Variants in SRGAP1 observed in about 807,000 individuals in gnomAD.
SRGAP1 encodes SLIT-ROBO Rho GTPase-activating protein 1.
A neutral mutation model predicts 121.9 loss-of-function variants in SRGAP1; 43 were observed. That is an observed-to-expected ratio of 0.35 (90% CI 0.28 to 0.46). The LOEUF (loss-of-function observed/expected upper bound fraction) is 0.46, where lower values mean the gene tolerates loss of function less well. SRGAP1 is among the 20% of genes least tolerant of loss of function. SRGAP1 has a pLI of 1.00. For missense variants in SRGAP1, 1,102 were observed against 1,350.9 expected (o/e 0.82, Z 2.89); for synonymous variants, 447 against 485.4 (o/e 0.92, Z 1.04).
intron 1 of SRGAP1, among the ~76,000 whole-genome samples, chr12:63,849,686 A>T (rs113773009): frequency 6.6e-6 from 1 of 152,214 alleles, no homozygotes; most frequent in East Asian, 1.9e-4. Flanking sequence ...TTTCTTCAAC[A>T]TAGAATAGGA....
At chr12:63,850,400 C>G (rs1899037014) in intron 1 of SRGAP1, among the ~76,000 whole-genome samples, 1 of 150,242 alleles carries the variant, frequency 6.7e-6, no homozygotes, top group Non-Finnish European at 1.5e-5. Flanking sequence ...CAAGTCTGTT[C>G]TAGGTTTTAG....
chr12:64,127,920 GC>G lies in SRGAP1; in HGVS notation c.2602del (p.His868IlefsTer17). 3.1e-6 allele frequency: 5 copies of G among 1,614,168 alleles called. No homozygotes were observed. Among genetic ancestry groups the G allele is most frequent in the Non-Finnish European group, 2.5e-6 (3 of 1,180,008 alleles). ...PVRRPGRTSD[G>X]HCPLHPPHAL... The stretch of plus-strand genomic sequence containing the variant: ...AGGCGTCCTGGCAGGACCAGTGATG[GC>G]CATTGCCCGCTCCACCCTCCACATG... On this transcript the variant is annotated frameshift_variant, in exon 21 of 22. Transcript: ENST00000355086. LOFTEE classifies it high-confidence loss of function.
In SRGAP1 at chr12:64,063,105, G is replaced by A. The variant is rs1318171394; in HGVS notation, c.990G>A (p.Met330Ile). 1 of 1,613,622 alleles carries A rather than the reference G, an allele frequency of 6.2e-7. No individual in the cohort carries two copies. Among genetic ancestry groups the A allele is most frequent in the African/African-American group, 1.3e-5 (1 of 74,888 alleles). ...ACCCTGCTGCGTTCTGTCCACCAAT[G>A]AAGTTTGAGTTTCAGTCTCACATGG... ...EMYPAAFCPP[M>I]KFEFQSHMGD... The change falls in exon 7 of 22, where the codon ATG (methionine) becomes ATA (isoleucine). Residue 330 changes from methionine to isoleucine, a missense_variant. Around this residue, in one of 3 missense-constraint regions of SRGAP1, gnomAD observed 747 missense variants for 929.4 expected, o/e 0.80. Coordinates refer to ENST00000355086, the MANE Select transcript of SRGAP1 (RefSeq NM_020762.4).
chr12:64,115,835 C>A lies in SRGAP1; in HGVS notation c.2166C>A (p.His722Gln). Reference protein sequence around the residue: ...DDYCDSPYSEHGTLEEVDQDA... With the variant: ...DDYCDSPYSEQGTLEEVDQDA... Reference sequence around the variant, plus strand: ...ACAGCGACAGCCCATACAGTGAGCACGGTACATTGGAGGAAGTGGACCAAG... The same window carrying A: ...ACAGCGACAGCCCATACAGTGAGCAAGGTACATTGGAGGAAGTGGACCAAG... The change falls in exon 18 of 22, where the codon CAC (histidine) becomes CAA (glutamine). Residue 722 changes from histidine (H) to glutamine (Q), a missense_variant. Physicochemically the swap from His to Gln is conservative, Grantham distance 24 (BLOSUM62 0). Transcript: ENST00000355086. 6.2e-7 allele frequency: 1 copy of A among 1,613,576 alleles called. No individual in the cohort carries two copies. The highest frequency in any genetic ancestry group is 1.3e-5 in the African/African-American group (1 of 75,034).
chr12:63,979,150 C>T (rs764657196), intron 1 of SRGAP1, among the ~76,000 whole-genome samples: 1 of 150,394 alleles, frequency 6.6e-6, no homozygotes, highest in Non-Finnish European at 1.5e-5. Context: ...AGCAATTCTC[C>T]TCCCTCAGCC....
Position 63,904,417 on chromosome 12 carries a change from GA to G in SRGAP1, c.67+59536del, listed in dbSNP as rs370568067. ...GATTGGAATGCGAACATGATGGCAG[GA>G]ACTGAAGCAGTGTCTTAGAGACTAT... On this transcript the variant is annotated intron_variant, in intron 1 of 21. Coordinates refer to ENST00000355086, the MANE Select transcript of SRGAP1 (RefSeq NM_020762.4). Among the ~76,000 whole-genome samples, 295 of 152,258 alleles carry G rather than the reference GA, an allele frequency of 1.9e-3. 1 individual carries two copies. Among genetic ancestry groups the G allele is most frequent in the African/African-American group, 6.7e-3 (279 of 41,548 alleles).
At chr12:63,917,831 G>A (rs2030858395) in intron 1 of SRGAP1, among the ~76,000 whole-genome samples, 1 of 149,390 alleles carries the variant, frequency 6.7e-6, no homozygotes, top group Non-Finnish European at 1.5e-5. Flanking sequence ...AATTTCCCAC[G>A]CTAGCTGTGA....
At chr12:64,125,868 A>G in intron 18 of SRGAP1, 109 bp from the exon 19 acceptor site, 2 of 1,067,986 alleles carry the variant, frequency 1.9e-6, no homozygotes, top group Non-Finnish European at 2.7e-6. Context: ...TTCAGTCTAG[A>G]TATTAAAATG....
intron 1 of SRGAP1, among the ~76,000 whole-genome samples, chr12:63,865,912 C>G (rs923880384): frequency 6.8e-6 from 1 of 146,080 alleles, no homozygotes; most frequent in Admixed American, 6.8e-5. Context: ...TTGGGAAGTG[C>G]TTTGGAGCTT....
intron 4 of SRGAP1, among the ~76,000 whole-genome samples, chr12:64,036,602 A>G (rs937266051): frequency 1.3e-5 from 2 of 152,168 alleles, no homozygotes; most frequent in African/African-American, 4.8e-5. Context: ...CCAAACCACC[A>G]CATCATTTCT....
chr12:64,079,074 G>C lies in SRGAP1; in HGVS notation c.1281G>C (p.Lys427Asn), dbSNP rs775500354. The C allele has an allele frequency of 3.7e-6, 6 of 1,613,916 alleles. No individual in the cohort carries two copies. Among genetic ancestry groups the C allele is most frequent in the Non-Finnish European group, 5.1e-6 (6 of 1,180,004 alleles). ...ACCTGAGTAAACCCAGCATCGCCAA[G>C]AGAAGAGCCAACCAGCAGGAAACTG... ...ETYLSKPSIA[K>N]RRANQQETEQ... is the part of the protein sequence containing the mutation. Residue 427 changes from lysine (K) to asparagine (N), a missense_variant, in exon 9 of 22, where the codon AAG becomes AAC. Lys to Asn is a moderately conservative substitution (Grantham distance 94). Transcript: ENST00000355086.
In SRGAP1 at chr12:64,111,992, T is replaced by C. The variant is rs762187736; in HGVS notation, c.2144+6T>C. 10 of 1,607,638 alleles carry C rather than the reference T, an allele frequency of 6.2e-6. No homozygotes were observed. Among genetic ancestry groups the C allele is most frequent in the Non-Finnish European group, 6.8e-6 (8 of 1,175,300 alleles). On this transcript the variant is annotated splice_donor_region_variant and intron_variant, in intron 17 of 21. Coordinates refer to ENST00000355086, the MANE Select transcript of SRGAP1 (RefSeq NM_020762.4). ...ATGGCTGGAGATGACTATTGGTAAGTCTAAGAATTTTAGTCCTCCTCTCCC... is the reference window on the plus strand; with the variant it reads ...ATGGCTGGAGATGACTATTGGTAAGCCTAAGAATTTTAGTCCTCCTCTCCC...
Position 64,063,069 on chromosome 12 carries a change from C to T in SRGAP1, c.954C>T (p.Phe318=). 1 of 1,614,076 alleles carries T rather than the reference C, an allele frequency of 6.2e-7. No homozygotes were observed. The highest frequency in any genetic ancestry group is 1.3e-5 in the African/African-American group (1 of 75,022). ...AGCCCAGGAGCGATAAGCAGAGATT[C>T]ATGGAGATGTACCCTGCTGCGTTCT... is the stretch of plus-strand genomic sequence containing the variant. ...NLEPRSDKQR[F]MEMYPAAFCP... The change falls in exon 7 of 22, where the codon TTC becomes TTT. Residue 318 remains phenylalanine (F), a synonymous_variant. Transcript: ENST00000355086.
intron 1 of SRGAP1, among the ~76,000 whole-genome samples, chr12:63,960,625 G>A (rs2032610724): frequency 6.6e-6 from 1 of 152,112 alleles, no homozygotes; most frequent in Admixed American, 6.6e-5. Context: ...CCCAGAATCT[G>A]TGAACATCAC....
intron 4 of SRGAP1, among the ~76,000 whole-genome samples, chr12:64,042,517 G>A (rs2035045774): frequency 6.6e-6 from 1 of 152,064 alleles, no homozygotes; most frequent in African/African-American, 2.4e-5. Context: ...AACTTTTCAA[G>A]TACATTGAAA....
chr12:64,055,020 A>G (rs2035313209), intron 6 of SRGAP1, among the ~76,000 whole-genome samples: 1 of 151,630 alleles, frequency 6.6e-6, no homozygotes, highest in Non-Finnish European at 1.5e-5. Flanking sequence ...AGGCAGGAGA[A>G]GGAAATAAAG....
At chr12:63,912,555 A>G (rs1489126915) in intron 1 of SRGAP1, among the ~76,000 whole-genome samples, 1 of 152,136 alleles carries the variant, frequency 6.6e-6, no homozygotes, top group Non-Finnish European at 1.5e-5. Flanking sequence ...TTGAGGCTGC[A>G]GTGAGCTATG....
At chr12:64,114,772 C>T (rs1040234740) in intron 17 of SRGAP1, among the ~76,000 whole-genome samples, 16 of 152,150 alleles carry the variant, frequency 1.1e-4, no homozygotes, top group African/African-American at 3.9e-4. Context: ...ATTTTGTGAT[C>T]GCTACTTTTT....
In SRGAP1 at chr12:64,149,182, T is replaced by C. The variant is rs1257316692; in HGVS notation, c.*6510T>C. ...ATGAATGGGGGGTGAGGGACCCACC[T>C]GTCAAAGGAATTGTTTTCCCAAACT... is the stretch of plus-strand genomic sequence containing the variant. On this transcript the variant is annotated 3_prime_UTR_variant, in exon 22 of 22. Transcript: ENST00000355086. 1.3e-5 allele frequency: 2 copies of C among 152,212 alleles called. No homozygotes were observed. The highest frequency in any genetic ancestry group is 2.9e-5 in the Non-Finnish European group (2 of 68,038). 9.4% of individuals were successfully genotyped at this position (152,212 alleles called of 1,614,324 possible).
Sources: allele counts gnomAD v4.1 joint callset (sites outside exome capture counted in the v4.1 genomes callset), GRCh38; gene constraint gnomAD v4.1.1; regional missense constraint gnomAD v4.1.1; transcripts MANE v1.5; gene names NCBI Gene and HGNC (gene_info 2026-07-23, HGNC 2026-07-21).